The following CR1 variants were observed in gnomAD, a reference collection of about 807,000 sequenced individuals.
CR1 encodes the protein complement C3b/C4b receptor 1 (Knops blood group), also known as complement receptor type 1.
Under a neutral mutation model 187.3 loss-of-function variants are expected in CR1, and 116 were observed. The ratio of observed to expected loss-of-function variants is 0.62; its 90% CI spans 0.53 to 0.72. The LOEUF is 0.72. CR1 is among the 30% of genes least tolerant of loss of function. CR1 has a pLI of 0.00. For missense variants in CR1, 1,731 were observed against 2,110.7 expected (o/e 0.82, Z 3.52); for synonymous variants, 576 against 747.1 (o/e 0.77, Z 3.73).
At chr1:207,635,478 A>G (rs1226399810) in intron 46 of CR1, among the ~76,000 whole-genome samples, 1 of 152,168 alleles carries the variant, frequency 6.6e-6, no homozygotes, top group Non-Finnish European at 1.5e-5. Context: ...TGCTGCCTGC[A>G]TGTCCCACCT....
At chr1:207,635,655 C>G (rs1193977468) in intron 46 of CR1, among the ~76,000 whole-genome samples, 1 of 152,106 alleles carries the variant, frequency 6.6e-6, no homozygotes, top group Non-Finnish European at 1.5e-5. Flanking sequence ...CAGCGCAGAC[C>G]CTTTACGGGT....
intron 44 of CR1, among the ~76,000 whole-genome samples, chr1:207,622,468 A>G (rs1332571093): frequency 6.6e-6 from 1 of 152,230 alleles, no homozygotes; most frequent in Non-Finnish European, 1.5e-5. Context: ...ATACTGTGGC[A>G]TATTACTCTT....
rs891327583 is a variant in CR1, at chr1:207,618,061, T to C, written c.6890-10T>C. 1.2e-6 allele frequency: 2 copies of C among 1,610,348 alleles called. No individual in the cohort carries two copies. The highest frequency in any genetic ancestry group is 1.1e-5 in the South Asian group (1 of 90,540). On this transcript the variant is annotated splice_polypyrimidine_tract_variant and intron_variant, in intron 41 of 46. Coordinates refer to ENST00000367049, the MANE Select transcript of CR1 (RefSeq NM_000651.6). Reference sequence around the variant, plus strand: ...TCTTTTCTTGTGTTTGTGTGGGAACTTGTTCTTAGCCTGCCCACATCCACC... The same window carrying C: ...TCTTTTCTTGTGTTTGTGTGGGAACCTGTTCTTAGCCTGCCCACATCCACC...
At chr1:207,565,733 G>T in intron 23 of CR1, 105 bp from the exon 24 acceptor site, 3 of 1,467,936 alleles carry the variant, frequency 2.0e-6, no homozygotes, top group Non-Finnish European at 2.8e-6. Context: ...CCATCTGCTG[G>T]CCTCAGATCC....
rs751005310 is a variant in CR1, at chr1:207,580,355, G to A, written c.5052G>A (p.Gly1684=). 1.9e-6 allele frequency: 3 copies of A among 1,613,940 alleles called. No homozygotes were observed. Among genetic ancestry groups the A allele is most frequent in the Non-Finnish European group, 2.5e-6 (3 of 1,179,860 alleles). ...GTGAGCCTGGCTATGACCTCAGAGG[G>A]GCTGCGTCTCTGCACTGCACACCCC... ...YSCEPGYDLR[G]AASLHCTPQG... Residue 1684 remains glycine, a synonymous_variant, in exon 30 of 47, where the codon GGG becomes GGA. Coordinates refer to ENST00000367049, the MANE Select transcript of CR1 (RefSeq NM_000651.6).
rs746742487 is a variant in CR1, at chr1:207,587,517, T to C, written c.5662T>C (p.Ser1888Pro). The change falls in exon 34 of 47, where the codon TCC (serine) becomes CCC (proline). Residue 1888 changes from serine (S) to proline (P), a missense_variant. Physicochemically the swap from Ser to Pro is moderately conservative, Grantham distance 74. Transcript: ENST00000367049. ...GTATTTTGGGAAAATGTTCTCTATC[T>C]CCTGCCTAGAAAACTTGGTCTGGTC... The part of the protein sequence containing the change: ...PGYFGKMFSI[S>P]CLENLVWSSV... 1.9e-6 allele frequency: 3 copies of C among 1,613,992 alleles called. No homozygotes were observed. Among genetic ancestry groups the C allele is most frequent in the Non-Finnish European group, 2.5e-6 (3 of 1,179,846 alleles).
At position 207,506,032 on chromosome 1, in the gene CR1, A is replaced by G. The variant is rs1283688718; in HGVS notation, c.250A>G (p.Ile84Val). The change falls in exon 2 of 47, where the codon ATC becomes GTC. Residue 84 changes from isoleucine (I) to valine (V), a missense_variant. Coordinates refer to ENST00000367049, the MANE Select transcript of CR1 (RefSeq NM_000651.6). ...RPGYSGRPFS[I>V]ICLKNSVWTG... Reference sequence around the variant, plus strand: ...TGGTTATTCCGGAAGACCGTTTTCTATCATCTGCCTAAAAAACTCAGTCTG... The same window carrying G: ...TGGTTATTCCGGAAGACCGTTTTCTGTCATCTGCCTAAAAAACTCAGTCTG... 1.9e-6 allele frequency: 3 copies of G among 1,613,952 alleles called. 1 individual carries two copies. In the South Asian group the frequency reaches 3.3e-5, roughly 18 times the overall value.
intron 46 of CR1, 70 bp from the exon 47 acceptor site, chr1:207,639,327 G>C (rs1662910118): frequency 1.4e-6 from 2 of 1,409,856 alleles, no homozygotes; most frequent in South Asian, 2.5e-5. Flanking sequence ...AAGCTTATCA[G>C]CCTGTAAATT....
chr1:207,513,117 A>G lies in CR1; in HGVS notation c.487+1463A>G, dbSNP rs1404887095. On this transcript the variant is annotated intron_variant, in intron 4 of 46. Transcript: ENST00000367049. ...TATTCACTTGACCTAAAACTCTTAC[A>G]CTTATACAAATCAAGTAACACTTTA... Among the ~76,000 whole-genome samples, 5 of 152,212 alleles carry G rather than the reference A, an allele frequency of 3.3e-5. No individual in the cohort carries two copies. The South Asian group carries it at 1.0e-3, about 32-fold the overall frequency.
At chr1:207,526,096 T>C (rs1660161485) in intron 5 of CR1, among the ~76,000 whole-genome samples, 1 of 152,084 alleles carries the variant, frequency 6.6e-6, no homozygotes, top group South Asian at 2.1e-4. Flanking sequence ...TACACTCTCA[T>C]CATGGTGACA....
Position 207,581,910 on chromosome 1 carries a change from T to C in CR1, c.5217-8T>C, listed in dbSNP as rs1660968021. The C allele has an allele frequency of 6.2e-7, 1 of 1,608,788 alleles. No homozygotes were observed. Among genetic ancestry groups the C allele is most frequent in the Admixed American group, 1.7e-5 (1 of 59,940 alleles). ...CATTCATCCAGCCACTACTGCTTTG[T>C]TCTTTAGGTTTCGCTTAAAGGGCAG... On this transcript the variant is annotated splice_polypyrimidine_tract_variant and splice_region_variant and intron_variant, in intron 31 of 46. Coordinates refer to ENST00000367049, the MANE Select transcript of CR1 (RefSeq NM_000651.6).
At chr1:207,520,526 T>C (rs1659943031) in intron 4 of CR1, among the ~76,000 whole-genome samples, 1 of 152,120 alleles carries the variant, frequency 6.6e-6, no homozygotes, top group Non-Finnish European at 1.5e-5. Flanking sequence ...TCTCTGTCTG[T>C]CTCCTCGCGC....
At chr1:207,505,202 G>A (rs1659389896) in intron 1 of CR1, among the ~76,000 whole-genome samples, 1 of 152,166 alleles carries the variant, frequency 6.6e-6, no homozygotes, top group Non-Finnish European at 1.5e-5. Context: ...CACCCAGGCT[G>A]GAGTGCAGTG....
chr1:207,585,820 T>C (rs570451284), intron 33 of CR1, among the ~76,000 whole-genome samples: 1 of 152,188 alleles, frequency 6.6e-6, no homozygotes, highest in Non-Finnish European at 1.5e-5. Context: ...AAGGAGGTAA[T>C]GGAGTTCAGA....
At chr1:207,635,379 G>T (rs111667481) in intron 46 of CR1, among the ~76,000 whole-genome samples, 1 of 152,112 alleles carries the variant, frequency 6.6e-6, no homozygotes, top group African/African-American at 2.4e-5. Flanking sequence ...GTGAACAAAG[G>T]TCTCGGCATC....
chr1:207,578,021 C>A lies in CR1; in HGVS notation c.4754C>A (p.Pro1585His), dbSNP rs770561116. ...WSGPAPQCII[P>H]NKCTPPNVEN... is the part of the protein sequence containing the mutation. ...GGCCCCGCCCCTCAGTGCATTATACCTAACAAATGCACGCCTCCAAATGTG... is the reference window on the plus strand; with the variant it reads ...GGCCCCGCCCCTCAGTGCATTATACATAACAAATGCACGCCTCCAAATGTG... Residue 1585 changes from proline (P) to histidine (H), a missense_variant, in exon 29 of 47, where the codon CCT becomes CAT. Physicochemically the swap from Pro to His is moderately conservative, Grantham distance 77 (BLOSUM62 -2). This residue lies in a region of CR1 where 1,312 missense variants were observed against 1,379.6 expected (regional missense o/e 0.95). Coordinates refer to ENST00000367049, the MANE Select transcript of CR1 (RefSeq NM_000651.6). 2 of 1,611,706 alleles carry A rather than the reference C, an allele frequency of 1.2e-6. No individual in the cohort carries two copies. The highest frequency in any genetic ancestry group is 1.7e-6 in the Non-Finnish European group (2 of 1,179,636).
At chr1:207,580,456 C>A in intron 30 of CR1, 40 bp downstream of exon 30, 1 of 1,608,202 alleles carries the variant, frequency 6.2e-7, no homozygotes, top group Non-Finnish European at 8.5e-7. Context: ...TCTCTTTACC[C>A]CACACATGGA....
At chr1:207,505,045 C>T (rs976622042) in intron 1 of CR1, among the ~76,000 whole-genome samples, 1 of 152,176 alleles carries the variant, frequency 6.6e-6, no homozygotes, top group Non-Finnish European at 1.5e-5. Context: ...GGAACAGTTC[C>T]ATCTCAAAAC....
chr1:207,544,618 C>G (rs1480025841), intron 13 of CR1, among the ~76,000 whole-genome samples: 1 of 113,176 alleles, frequency 8.8e-6, no homozygotes, highest in East Asian at 2.9e-4. Flanking sequence ...CCTGAGATGC[C>G]GTTACAATAT....
Sources: allele counts gnomAD v4.1 joint callset (sites outside exome capture counted in the v4.1 genomes callset), GRCh38; gene constraint gnomAD v4.1.1; regional missense constraint gnomAD v4.1.1; transcripts MANE v1.5; gene names NCBI Gene and HGNC (gene_info 2026-07-23, HGNC 2026-07-21).